The following NR2C2 variants were observed in gnomAD, a reference collection of about 807,000 sequenced individuals.
NR2C2 encodes nuclear receptor subfamily 2 group C member 2.
NR2C2 carries 6 observed loss-of-function variants against 62.9 expected under a neutral mutation model. That is an observed-to-expected ratio of 0.10 (90% CI 0.05 to 0.19). NR2C2 has a LOEUF of 0.19. Ranked by LOEUF, NR2C2 falls within the 10% of genes least tolerant of loss-of-function variation. NR2C2 has a pLI of 1.00. For missense variants in NR2C2, 479 were observed against 762.7 expected (o/e 0.63, Z 4.38); for synonymous variants, 272 against 273.8 (o/e 0.99, Z 0.07).
chr3:14,993,771 C>T (rs2040737164), intron 1 of NR2C2, among the ~76,000 whole-genome samples: 1 of 152,164 alleles, frequency 6.6e-6, no homozygotes, highest in African/African-American at 2.4e-5. Context: ...CTACAGGGAG[C>T]CCATTGCCAG....
At chr3:14,981,879 G>T (rs2125330744) in intron 1 of NR2C2, among the ~76,000 whole-genome samples, 1 of 152,296 alleles carries the variant, frequency 6.6e-6, no homozygotes, top group African/African-American at 2.4e-5. Context: ...GAGGCCAGAA[G>T]ACATAGGCAG....
chr3:15,039,096 G>T (rs770421128), intron 12 of NR2C2, 26 bp from the exon 13 acceptor site: 74 of 1,123,046 alleles, frequency 6.6e-5, no homozygotes, highest in Middle Eastern at 2.1e-4. Flanking sequence ...AGAGGGAACT[G>T]GGGGGGGGTA....
chr3:15,036,763 CATA>C lies in NR2C2; in HGVS notation c.1373-1236_1373-1234del, dbSNP rs1288742442. Among the ~76,000 whole-genome samples the C allele has an allele frequency of 5.9e-5, 9 of 152,316 alleles. No individual in the cohort carries two copies. In the East Asian group the frequency reaches 1.7e-3, roughly 29 times the overall value. On this transcript the variant is annotated intron_variant, in intron 11 of 13. Transcript: ENST00000425241. ...GTTTGATATCTAGGAATGTGAGTGA[CATA>C]GTCATACATTTGTTTTTCTAGTTAT...
intron 1 of NR2C2, among the ~76,000 whole-genome samples, chr3:14,986,299 A>G (rs923174745): frequency 2.6e-5 from 4 of 152,202 alleles, no homozygotes; most frequent in African/African-American, 7.2e-5. Flanking sequence ...ACCAAAGATG[A>G]TATGACAAGT....
intron 1 of NR2C2, among the ~76,000 whole-genome samples, chr3:14,983,669 A>G (rs1195048570): frequency 1.3e-5 from 2 of 152,124 alleles, no homozygotes; most frequent in African/African-American, 4.8e-5. Context: ...TGGTCCTTAA[A>G]TGCTTATAGA....
At chr3:14,995,780 A>C (rs2040815968) in intron 1 of NR2C2, among the ~76,000 whole-genome samples, 1 of 152,026 alleles carries the variant, frequency 6.6e-6, no homozygotes, top group South Asian at 2.1e-4. Context: ...AGACTGCACC[A>C]TTTTATGTTC....
At chr3:14,972,700 T>C (rs1355831099) in intron 1 of NR2C2, among the ~76,000 whole-genome samples, 1 of 152,152 alleles carries the variant, frequency 6.6e-6, no homozygotes, top group East Asian at 1.9e-4. Flanking sequence ...AGAGGTTTAA[T>C]TGGCTCACGG....
chr3:15,001,426 C>T (rs1466325706), intron 1 of NR2C2, among the ~76,000 whole-genome samples: 2 of 149,964 alleles, frequency 1.3e-5, no homozygotes, highest in African/African-American at 4.9e-5. Flanking sequence ...CCTCCGCCTC[C>T]TGGGTTCAAG....
At chr3:15,007,365 G>C (rs2041212038) in intron 2 of NR2C2, among the ~76,000 whole-genome samples, 1 of 151,906 alleles carries the variant, frequency 6.6e-6, no homozygotes, top group Non-Finnish European at 1.5e-5. Context: ...CTGACCTTAT[G>C]ATCCGCCTGC....
Position 15,024,214 on chromosome 3 carries a change from G to A in NR2C2, c.798+6G>A, listed in dbSNP as rs1187428529. On this transcript the variant is annotated splice_donor_region_variant and intron_variant, in intron 7 of 13. Coordinates refer to ENST00000425241, the MANE Select transcript of NR2C2 (RefSeq NM_001291694.2). The stretch of plus-strand genomic sequence containing the variant: ...TCCTGGCCACGGATTCTAAGGTGAC[G>A]TTCTCTACTCATGCTCTCTCTCATC... 1.1e-5 allele frequency: 17 copies of A among 1,587,332 alleles called. No homozygotes were observed. Among genetic ancestry groups the A allele is most frequent in the East Asian group, 2.3e-5 (1 of 44,026 alleles).
rs114572331 is a variant in NR2C2, at chr3:14,999,547, A to G, written c.-39-4329A>G. 2.4e-3 allele frequency among the ~76,000 whole-genome samples: 366 copies of G among 152,144 alleles called. 2 individuals are homozygous for G. Among genetic ancestry groups the G allele is most frequent in the African/African-American group, 8.2e-3 (339 of 41,500 alleles). ...ATTATTTTCTAATTTTTCTTGTGCTATTTTTGCTTTTGGTGTCATCTAAGA... is the reference window on the plus strand; with the variant it reads ...ATTATTTTCTAATTTTTCTTGTGCTGTTTTTGCTTTTGGTGTCATCTAAGA... On this transcript the variant is annotated intron_variant, in intron 1 of 13. Coordinates refer to ENST00000425241, the MANE Select transcript of NR2C2 (RefSeq NM_001291694.2).
chr3:14,970,613 A>G (rs139577018), intron 1 of NR2C2, among the ~76,000 whole-genome samples: 3 of 152,308 alleles, frequency 2.0e-5, no homozygotes, highest in East Asian at 3.9e-4. Flanking sequence ...TTCACTTAGT[A>G]TAATGTCCTC....
At chr3:14,979,807 G>A (rs1321207834) in intron 1 of NR2C2, among the ~76,000 whole-genome samples, 1 of 152,050 alleles carries the variant, frequency 6.6e-6, no homozygotes, top group African/African-American at 2.4e-5. Context: ...ATCATTCTGG[G>A]TATTATAGGC....
In NR2C2 at chr3:15,013,800, T is replaced by TG; in HGVS notation, c.273+13dup. 1 of 1,613,570 alleles carries TG rather than the reference T, an allele frequency of 6.2e-7. No homozygotes were observed. Among genetic ancestry groups the TG allele is most frequent in the Non-Finnish European group, 8.5e-7 (1 of 1,179,502 alleles). On this transcript the variant is annotated intron_variant, in intron 3 of 13. Coordinates refer to ENST00000425241, the MANE Select transcript of NR2C2 (RefSeq NM_001291694.2). ...CCTGGCAGGATCCAGGTAAGGCCTT[T>TG]GGACAGGTATTTGTTTCAGCACTTC...
At chr3:14,956,467 A>G (rs2039528042) in intron 1 of NR2C2, among the ~76,000 whole-genome samples, 1 of 152,242 alleles carries the variant, frequency 6.6e-6, no homozygotes, top group Non-Finnish European at 1.5e-5. Context: ...GTCCTAATTT[A>G]GCCCCATTGT....
In NR2C2 at chr3:15,043,856, CAAATGAGATGTACA is replaced by C. The variant is rs2042357692; in HGVS notation, c.*849_*862del. ...TTGCAACTAGTCAGACATTAACTGC[CAAATGAGATGTACA>C]GTTCCTCCAGCAAGTGAAAACATCC... On this transcript the variant is annotated 3_prime_UTR_variant, in exon 14 of 14. Transcript: ENST00000425241. 6.6e-6 allele frequency: 1 copy of C among 152,242 alleles called. No individual in the cohort carries two copies. The highest frequency in any genetic ancestry group is 1.5e-5 in the Non-Finnish European group (1 of 68,046). The allele number at this position is 152,242 out of a possible 1,614,324, so 9.4% of individuals were successfully genotyped here.
intron 1 of NR2C2, among the ~76,000 whole-genome samples, chr3:14,968,920 G>A (rs1163118980): frequency 1.4e-5 from 2 of 148,134 alleles, no homozygotes; most frequent in Non-Finnish European, 3.0e-5. Context: ...TCACTCATAG[G>A]TGGGAATTGA....
At chr3:14,990,688 A>G (rs1013965478) in intron 1 of NR2C2, among the ~76,000 whole-genome samples, 3 of 152,164 alleles carry the variant, frequency 2.0e-5, no homozygotes, top group Non-Finnish European at 2.9e-5. Context: ...TTGGCATGGT[A>G]AGTGTGAGTG....
intron 3 of NR2C2, among the ~76,000 whole-genome samples, chr3:15,015,287 A>T (rs2041477049): frequency 6.6e-6 from 1 of 152,238 alleles, no homozygotes; most frequent in Admixed American, 6.5e-5. Context: ...TTTTAAAATA[A>T]CAGCTATTTT....
Sources: gnomAD v4.1 joint callset for allele counts (sites outside exome capture counted in the v4.1 genomes callset) on GRCh38, gnomAD v4.1.1 for gene constraint, MANE v1.5 for transcripts, NCBI Gene and HGNC (gene_info 2026-07-23, HGNC 2026-07-21) for gene names.